Variants in ZFHX3 observed in about 807,000 individuals in gnomAD.
ZFHX3 encodes the protein zinc finger homeobox 3.
ZFHX3 carries 42 observed loss-of-function variants against 279.1 expected under a neutral mutation model. The ratio of observed to expected loss-of-function variants is 0.15; its 90% CI spans 0.12 to 0.19. The LOEUF (loss-of-function observed/expected upper bound fraction) is 0.19, where lower values mean the gene tolerates loss of function less well. Among genes scored for constraint, ZFHX3 ranks in the 10% least tolerant of loss-of-function variants. ZFHX3 has a pLI of 1.00. For missense variants in ZFHX3, 4,981 were observed against 4,754.0 expected (o/e 1.05, Z -1.40); for synonymous variants, 2,293 against 1,957.8 (o/e 1.17, Z -4.52).
chr16:72,912,194 C>T (rs898517783), intron 3 of ZFHX3, among the ~76,000 whole-genome samples: 10 of 152,170 alleles, frequency 6.6e-5, no homozygotes, highest in Admixed American at 2.0e-4. Context: ...CCAGGCTCCG[C>T]GCGGGGAGGT....
chr16:73,275,815 A>G (rs1227620765), intron 4 of ZFHX3, among the ~76,000 whole-genome samples: 2 of 152,214 alleles, frequency 1.3e-5, no homozygotes, highest in Non-Finnish European at 1.5e-5. Flanking sequence ...CAAATCTTCA[A>G]TTTGTAAAAA....
At chr16:73,603,772 C>CTTTTTT (rs11459049) in intron 2 of ZFHX3, among the ~76,000 whole-genome samples, 2 of 105,512 alleles carry the variant, frequency 1.9e-5, no homozygotes, top group African/African-American at 3.6e-5. Context: ...AAAAAATACG[C>CTTTTTT]TTTTTTTTTT....
chr16:73,224,755 G>C (rs922632846), intron 5 of ZFHX3, among the ~76,000 whole-genome samples: 1 of 152,140 alleles, frequency 6.6e-6, no homozygotes, highest in African/African-American at 2.4e-5. Flanking sequence ...CAACCAAATG[G>C]ACAAAGATAA....
intron 3 of ZFHX3, among the ~76,000 whole-genome samples, chr16:73,322,599 G>C (rs146748380): frequency 9.2e-5 from 14 of 152,304 alleles, no homozygotes; most frequent in African/African-American, 3.4e-4. Context: ...GGCTTGGGAA[G>C]TGTTTTTGTA....
chr16:72,937,421 G>A (rs1190314136), intron 3 of ZFHX3, among the ~76,000 whole-genome samples: 1 of 152,224 alleles, frequency 6.6e-6, no homozygotes, highest in African/African-American at 2.4e-5. Context: ...TTAGGACACA[G>A]CCGACAGAGT....
chr16:73,673,771 C>G (rs2052926890), intron 2 of ZFHX3, among the ~76,000 whole-genome samples: 1 of 152,128 alleles, frequency 6.6e-6, no homozygotes, highest in Non-Finnish European at 1.5e-5. Flanking sequence ...AGGCTGGAAC[C>G]TGAGTTTGTT....
intron 1 of ZFHX3, among the ~76,000 whole-genome samples, chr16:73,852,646 C>T (rs1487039823): frequency 6.6e-6 from 1 of 152,174 alleles, no homozygotes; most frequent in Non-Finnish European, 1.5e-5. Flanking sequence ...TCAGGTCCTT[C>T]AGCCCTGACT....
chr16:72,833,793 C>A (rs1567539185), intron 4 of ZFHX3, among the ~76,000 whole-genome samples: 1 of 152,082 alleles, frequency 6.6e-6, no homozygotes, highest in African/African-American at 2.4e-5. Context: ...AAAACCCATA[C>A]GGAAGCCCAC....
intron 3 of ZFHX3, among the ~76,000 whole-genome samples, chr16:72,910,437 A>G (rs1008275): frequency 0.32 from 49,141 of 152,106 alleles, 8,478 homozygotes; most frequent in African/African-American, 0.42. Flanking sequence ...AGAACAAGTG[A>G]TCAGGAAATC....
intron 3 of ZFHX3, among the ~76,000 whole-genome samples, chr16:73,334,408 T>C (rs574524390): frequency 1.4e-4 from 22 of 152,274 alleles, no homozygotes; most frequent in Non-Finnish European, 2.4e-4. Context: ...CTGCCCTAAA[T>C]GCTGAGGACA....
At chr16:73,059,968 T>C (rs1302843910), upstream of ZFHX3, among the ~76,000 whole-genome samples, 4 of 152,138 alleles carry the variant, frequency 2.6e-5, no homozygotes, top group African/African-American at 9.7e-5. Flanking sequence ...AAGGAAAAGT[T>C]GCACTTGGAA....
intron 2 of ZFHX3, among the ~76,000 whole-genome samples, chr16:73,509,388 T>C (rs1490017200): frequency 1.3e-5 from 2 of 151,934 alleles, no homozygotes; most frequent in African/African-American, 4.8e-5. Flanking sequence ...GCCAGGCCCT[T>C]CGATGTCTCC....
chr16:73,129,697 CAT>C (rs771810125), intron 7 of ZFHX3, among the ~76,000 whole-genome samples: 3 of 141,534 alleles, frequency 2.1e-5, no homozygotes, highest in Non-Finnish European at 3.1e-5. Context: ...CGCGCATGTG[CAT>C]GTGTGTGCAT....
intron 7 of ZFHX3, chr16:72,807,264 T>A (rs1381915290): frequency 6.6e-6 from 1 of 152,222 alleles, no homozygotes. Flanking sequence ...CCTTGTCTCA[T>A]CTCCCTTAAG....
At chr16:73,294,667 C>T (rs1291514938) in intron 4 of ZFHX3, among the ~76,000 whole-genome samples, 1 of 151,532 alleles carries the variant, frequency 6.6e-6, no homozygotes, top group African/African-American at 2.4e-5. Flanking sequence ...AAAAATTTGC[C>T]GGGTGTGGTT....
chr16:73,261,370 C>T (rs2013818809), intron 4 of ZFHX3, among the ~76,000 whole-genome samples: 1 of 151,870 alleles, frequency 6.6e-6, no homozygotes, highest in African/African-American at 2.4e-5. Context: ...GCACAAGAAG[C>T]CAAAAACATT....
At chr16:73,702,703 T>C (rs1039697897) in intron 1 of ZFHX3, among the ~76,000 whole-genome samples, 1 of 152,108 alleles carries the variant, frequency 6.6e-6, no homozygotes, top group Non-Finnish European at 1.5e-5. Flanking sequence ...TTGGGTCCCA[T>C]AGATGATTAT....
rs896091639 is a variant in ZFHX3, at chr16:73,092,698, T to A, written c.-533+537A>T. 9.5e-6 allele frequency: 3 copies of A among 316,918 alleles called. No homozygotes were observed. In the Admixed American group the frequency reaches 1.3e-4, roughly 14 times the overall value. The allele number at this position is 316,918 out of a possible 1,614,324, so 19.6% of individuals were successfully genotyped here. ...CACACGCGGGCTGGCTTACACATGCTCTTGCTCTCTCGCGCTCTGGGAGAG... is the reference window on the plus strand; with the variant it reads ...CACACGCGGGCTGGCTTACACATGCACTTGCTCTCTCGCGCTCTGGGAGAG... On this transcript the variant is annotated intron_variant, in intron 8 of 17. Coordinates refer to the ZFHX3 transcript ENST00000641206.
At chr16:73,540,533 A>G (rs1275900705) in intron 2 of ZFHX3, among the ~76,000 whole-genome samples, 1 of 152,248 alleles carries the variant, frequency 6.6e-6, no homozygotes, top group East Asian at 1.9e-4. Context: ...TCATTTGAGT[A>G]GAAGTAAAAG....
Sources: allele counts gnomAD v4.1 joint callset (sites outside exome capture counted in the v4.1 genomes callset), GRCh38; gene constraint gnomAD v4.1.1; transcripts MANE v1.5; gene names NCBI Gene and HGNC (gene_info 2026-07-23, HGNC 2026-07-21).